The following FGGY variants were observed in gnomAD, a reference collection of about 807,000 sequenced individuals.
FGGY encodes FGGY carbohydrate kinase domain-containing protein.
Under a neutral mutation model 71.3 loss-of-function variants are expected in FGGY, and 72 were observed. The ratio of observed to expected loss-of-function variants is 1.01; its 90% CI spans 0.84 to 1.23. FGGY has a LOEUF of 1.23. Ranked by LOEUF, FGGY falls within the 50% of genes most tolerant of loss-of-function variation. The probability of loss-of-function intolerance (pLI) is 0.00; values close to 1 mark genes in which losing one functional copy is unlikely to be tolerated. For missense variants in FGGY, 668 were observed against 682.3 expected (o/e 0.98, Z 0.23); for synonymous variants, 251 against 250.3 (o/e 1.00, Z -0.02).
chr1:59,478,017 C>T (rs2153561220), intron 6 of FGGY, among the ~76,000 whole-genome samples: 1 of 152,222 alleles, frequency 6.6e-6, no homozygotes, highest in Non-Finnish European at 1.5e-5. Flanking sequence ...GAGTTTGAAT[C>T]CTGGCCCTGC....
At chr1:59,756,387 G>A (rs2098291485) in intron 14 of FGGY, among the ~76,000 whole-genome samples, 1 of 152,174 alleles carries the variant, frequency 6.6e-6, no homozygotes, top group Non-Finnish European at 1.5e-5. Flanking sequence ...AGTCCATAGA[G>A]CAACCTAGCA....
chr1:59,424,268 G>T (rs1028489499), intron 5 of FGGY, among the ~76,000 whole-genome samples: 2 of 152,220 alleles, frequency 1.3e-5, no homozygotes, highest in Admixed American at 6.5e-5. Flanking sequence ...GAAGAATGAG[G>T]CCGGGCACTG....
At chr1:59,312,467 G>C (rs1400656422) in intron 1 of FGGY, among the ~76,000 whole-genome samples, 1 of 152,136 alleles carries the variant, frequency 6.6e-6, no homozygotes, top group East Asian at 1.9e-4. Context: ...CTCTGTAAAG[G>C]GAATGGCTTG....
chr1:59,609,287 C>T (rs2096652757), intron 9 of FGGY, among the ~76,000 whole-genome samples: 1 of 152,160 alleles, frequency 6.6e-6, no homozygotes, highest in African/African-American at 2.4e-5. Flanking sequence ...GTAAAACATG[C>T]TAAGGAATTG....
chr1:59,538,446 G>C (rs1036793315), intron 7 of FGGY, among the ~76,000 whole-genome samples: 31 of 151,768 alleles, frequency 2.0e-4, no homozygotes, highest in African/African-American at 7.5e-4. Flanking sequence ...CGATTCCTCA[G>C]GGATCTAGAA....
intron 14 of FGGY, among the ~76,000 whole-genome samples, chr1:59,718,969 T>C (rs2097864610): frequency 6.6e-6 from 1 of 152,164 alleles, no homozygotes; most frequent in Non-Finnish European, 1.5e-5. Context: ...TCAGAACAAT[T>C]GACTTTTGCC....
chr1:59,709,042 G>T (rs541599878), intron 14 of FGGY, among the ~76,000 whole-genome samples: 2 of 152,314 alleles, frequency 1.3e-5, no homozygotes, highest in South Asian at 4.1e-4. Flanking sequence ...AAAGTGAGAT[G>T]AATATATGTG....
rs1350341245 is a variant in FGGY, at chr1:59,503,615, ATAT to A, written c.671-8695_671-8693del. Among the ~76,000 whole-genome samples the A allele has an allele frequency of 5.4e-5, 8 of 147,196 alleles. No homozygotes were observed. The East Asian group carries it at 1.6e-3, about 29-fold the overall frequency. ...TCGCCATATATATATATATATATAT[ATAT>A]AAAATATGTATTATATATATAATAT... On this transcript the variant is annotated intron_variant, in intron 6 of 15. Coordinates refer to ENST00000303721, the MANE Select transcript of FGGY (RefSeq NM_018291.5).
intron 5 of FGGY, among the ~76,000 whole-genome samples, chr1:59,421,677 A>T (rs1186275597): frequency 6.6e-6 from 1 of 151,796 alleles, no homozygotes; most frequent in Non-Finnish European, 1.5e-5. Context: ...TCAGGTTGGC[A>T]GGTATACTTG....
intron 5 of FGGY, among the ~76,000 whole-genome samples, chr1:59,396,154 T>A (rs1438456157): frequency 6.6e-6 from 1 of 152,142 alleles, no homozygotes; most frequent in African/African-American, 2.4e-5. Flanking sequence ...TCCAGAAGAA[T>A]CTGATGGATG....
At chr1:59,705,900 G>A (rs1217099482) in intron 14 of FGGY, among the ~76,000 whole-genome samples, 3 of 152,152 alleles carry the variant, frequency 2.0e-5, no homozygotes, top group Admixed American at 2.0e-4. Context: ...CTCTTCTGAG[G>A]ATTTTTGTAG....
intron 7 of FGGY, among the ~76,000 whole-genome samples, chr1:59,535,273 A>G (rs1454336951): frequency 6.6e-6 from 1 of 152,284 alleles, no homozygotes; most frequent in East Asian, 1.9e-4. Flanking sequence ...ATTCAACAAG[A>G]AGAGCTAACT....
At chr1:59,442,661 G>A (rs984396126) in intron 5 of FGGY, among the ~76,000 whole-genome samples, 1 of 152,188 alleles carries the variant, frequency 6.6e-6, no homozygotes, top group East Asian at 1.9e-4. Flanking sequence ...AGCTCTGAGA[G>A]GTATGTGAGT....
At chr1:59,695,300 G>A (rs903142896) in intron 14 of FGGY, among the ~76,000 whole-genome samples, 6 of 152,270 alleles carry the variant, frequency 3.9e-5, no homozygotes, top group South Asian at 2.1e-4. Context: ...CCATGACACC[G>A]GGAGCAGCGG....
intron 9 of FGGY, among the ~76,000 whole-genome samples, chr1:59,608,471 C>G (rs770281936): frequency 6.6e-6 from 1 of 152,154 alleles, no homozygotes; most frequent in Non-Finnish European, 1.5e-5. Context: ...CCAACTCCAG[C>G]TCTTAGCACA....
chr1:59,342,019 G>A lies in FGGY; in HGVS notation c.313+1950G>A, dbSNP rs2050805604. Among the ~76,000 whole-genome samples the A allele has an allele frequency of 2.6e-5, 4 of 152,152 alleles. No individual in the cohort carries two copies. The South Asian group carries it at 8.3e-4, about 32-fold the overall frequency. ...GGGAACTTGGTTCCATAAAGCACAA[G>A]AGCCATGTTAGAGAGCCTGATTTTG... is the stretch of plus-strand genomic sequence containing the variant. On this transcript the variant is annotated intron_variant, in intron 3 of 15. Transcript: ENST00000303721.
At chr1:59,553,751 A>G (rs41287700) in intron 7 of FGGY, among the ~76,000 whole-genome samples, 10,818 of 152,294 alleles carry the variant, frequency 0.071, 831 homozygotes, top group African/African-American at 0.2. Flanking sequence ...CTGATGTCTA[A>G]CATTAATAAT....
intron 7 of FGGY, among the ~76,000 whole-genome samples, chr1:59,520,614 T>C (rs1172861621): frequency 6.6e-6 from 1 of 152,240 alleles, no homozygotes; most frequent in Non-Finnish European, 1.5e-5. Context: ...TCCACATAGC[T>C]GGTCTTCACT....
chr1:59,445,782 C>A (rs1173160530), intron 5 of FGGY, among the ~76,000 whole-genome samples: 1 of 152,118 alleles, frequency 6.6e-6, no homozygotes, highest in African/African-American at 2.4e-5. Context: ...AAATTAAATA[C>A]CTCAAAATTA....
Sources: allele counts gnomAD v4.1 joint callset (sites outside exome capture counted in the v4.1 genomes callset), GRCh38; gene constraint gnomAD v4.1.1; transcripts MANE v1.5; gene names NCBI Gene and HGNC (gene_info 2026-07-23, HGNC 2026-07-21).